IL1F10: variants seen among roughly 807,000 people sequenced by gnomAD.
IL1F10 encodes the protein interleukin 1 family member 10, also known as interleukin-1 family member 10.
In IL1F10, 13 loss-of-function variants were observed where a neutral mutation model predicts 13.1. The ratio of observed to expected loss-of-function variants is 0.99; its 90% CI spans 0.64 to 1.57. The LOEUF is 1.57. IL1F10 is among the 40% of genes most tolerant of loss of function. IL1F10 has a pLI of 0.00. For missense variants in IL1F10, 191 were observed against 184.1 expected, an observed-to-expected ratio of 1.04 and a Z score of -0.22; for synonymous variants, 78 against 68.2, an observed-to-expected ratio of 1.14 and a Z score of -0.71.
At chr2:113,075,074 G>A (rs1244980653) in intron 4 of IL1F10, 78 bp from the exon 5 acceptor site, 5 of 1,388,822 alleles carry the variant, frequency 3.6e-6, no homozygotes, top group Non-Finnish European at 3.9e-6. Flanking sequence ...GTCCTTTTTT[G>A]GCCAAGCCCC....
chr2:113,068,422 C>T (rs1412348469), intron 1 of IL1F10, among the ~76,000 whole-genome samples: 1 of 151,068 alleles, frequency 6.6e-6, no homozygotes, highest in Non-Finnish European at 1.5e-5. Context: ...GTTCCAAAGT[C>T]TCCATTGCTT....
At chr2:113,072,156 G>A (rs951993683) in intron 1 of IL1F10, among the ~76,000 whole-genome samples, 3 of 152,194 alleles carry the variant, frequency 2.0e-5, no homozygotes, top group Non-Finnish European at 4.4e-5. Flanking sequence ...AGCACTTCTA[G>A]TCACTAGGAA....
rs1380958671 is a variant in IL1F10, at chr2:113,074,391, C to T, written c.95C>T (p.Pro32Leu). ...TRDGQLLVGD[P>L]VADNCCAEKI... ...GATGGCCAGCTGCTGGTGGGAGATC[C>T]TGTTGCAGACAACTGCTGTGCAGGT... is the stretch of plus-strand genomic sequence containing the variant. The change falls in exon 3 of 5, where the codon CCT (proline) becomes CTT (leucine). Residue 32 changes from proline to leucine, a missense_variant. By Grantham distance (98) the Pro-to-Leu change is moderately conservative. Coordinates refer to ENST00000341010, the MANE Select transcript of IL1F10 (RefSeq NM_173161.3). 19 of 1,613,692 alleles carry T rather than the reference C, an allele frequency of 1.2e-5. No individual in the cohort carries two copies. The highest frequency in any genetic ancestry group is 2.2e-5 in the East Asian group (1 of 44,892).
At chr2:113,074,538 A>C in intron 3 of IL1F10, 124 bp downstream of exon 3, 1 of 1,054,324 alleles carries the variant, frequency 9.5e-7, no homozygotes, top group Non-Finnish European at 1.5e-6. Context: ...GCCAGAGAGC[A>C]GCTGTGGCCT....
In IL1F10 at chr2:113,072,702, C is replaced by T. The variant is rs1327912583; in HGVS notation, c.-28-9C>T. Reference sequence around the variant, plus strand: ...CCTTTTCTAACTGCCCTTCTCTCCTCCCCATCAGTGAGGACCAGACACCAC... The same window carrying T: ...CCTTTTCTAACTGCCCTTCTCTCCTTCCCATCAGTGAGGACCAGACACCAC... On this transcript the variant is annotated splice_polypyrimidine_tract_variant and intron_variant, in intron 1 of 4. Coordinates refer to ENST00000341010, the MANE Select transcript of IL1F10 (RefSeq NM_173161.3). The T allele has an allele frequency of 1.3e-6, 2 of 1,599,414 alleles. No homozygotes were observed. The highest frequency in any genetic ancestry group is 1.1e-5 in the South Asian group (1 of 89,828).
At chr2:113,074,136 G>C (rs983296691) in intron 2 of IL1F10, among the ~76,000 whole-genome samples, 193 bp from the exon 3 acceptor site, 1 of 152,158 alleles carries the variant, frequency 6.6e-6, no homozygotes, top group African/African-American at 2.4e-5. Flanking sequence ...AAGAACACAG[G>C]AGACCTTCCT....
rs1227690421 is a variant in IL1F10 at position 113,073,604 on chromosome 2, GATAA to G, written c.33-724_33-721del. 4.1e-3 allele frequency among the ~76,000 whole-genome samples: 623 copies of G among 152,326 alleles called. 1 individual carries two copies. The highest frequency in any genetic ancestry group is 0.014 in the African/African-American group (589 of 41,582). On this transcript the variant is annotated intron_variant, in intron 2 of 4. Coordinates refer to ENST00000341010, the MANE Select transcript of IL1F10 (RefSeq NM_173161.3). The stretch of plus-strand genomic sequence containing the variant: ...TGTCAAGGTGGCAAGGGGAATGCCA[GATAA>G]CACGCCCAGGATCTTTCCGGAAGTT...
At position 113,070,052 on chromosome 2, in the gene IL1F10, C is replaced by A. The variant is rs138327544; in HGVS notation, c.-29+2036C>A. ...AGTTTAGCTGATGGCAGTGTTTGAGCCAGGACAGGTGAATTGCGGAGGTCT... is the reference window on the plus strand; with the variant it reads ...AGTTTAGCTGATGGCAGTGTTTGAGACAGGACAGGTGAATTGCGGAGGTCT... On this transcript the variant is annotated intron_variant, in intron 1 of 4. Transcript: ENST00000341010. Among the ~76,000 whole-genome samples the A allele has an allele frequency of 4.6e-5, 7 of 152,212 alleles. No homozygotes were observed. In the East Asian group the frequency reaches 1.4e-3, roughly 29 times the overall value.
At chr2:113,069,652 C>T (rs996178030) in intron 1 of IL1F10, among the ~76,000 whole-genome samples, 1 of 152,158 alleles carries the variant, frequency 6.6e-6, no homozygotes, top group Non-Finnish European at 1.5e-5. Context: ...GTCCTGTAGG[C>T]TGCAGGAGGT....
intron 1 of IL1F10, 60 bp from the exon 2 acceptor site, chr2:113,072,651 C>A (rs891097424): frequency 1.5e-5 from 18 of 1,181,600 alleles, no homozygotes; most frequent in Non-Finnish European, 2.5e-6. Context: ...AGCCCCAGCA[C>A]GTCTGCCTCT....
In IL1F10 at chr2:113,075,215, A is replaced by G; in HGVS notation, c.310A>G (p.Ser104Gly). 6.2e-7 allele frequency: 1 copy of G among 1,614,000 alleles called. No homozygotes were observed. The highest frequency in any genetic ancestry group is 8.5e-7 in the Non-Finnish European group (1 of 1,179,960). The part of the protein sequence containing the change: ...EEATRFTFFQ[S>G]SSGSAFRLEA... Reference sequence around the variant, plus strand: ...GGCCACACGCTTCACCTTCTTCCAGAGCAGCTCAGGCTCCGCCTTCAGGCT... The same window carrying G: ...GGCCACACGCTTCACCTTCTTCCAGGGCAGCTCAGGCTCCGCCTTCAGGCT... Residue 104 changes from serine to glycine, a missense_variant, in exon 5 of 5, where the codon AGC (serine) becomes GGC (glycine). Transcript: ENST00000341010.
At position 113,075,354 on chromosome 2, in the gene IL1F10, A is replaced by G; in HGVS notation, c.449A>G (p.Gln150Arg). Residue 150 changes from glutamine to arginine, a missense_variant, in exon 5 of 5, where the codon CAG becomes CGG. Physicochemically the swap from Gln to Arg is conservative, Grantham distance 43 (BLOSUM62 1). Transcript: ENST00000341010. ...GCCCGTACCAAGTTTTACTTTGAACAGAGCTGGTAGGGAGACAGGAAACTG... is the reference window on the plus strand; with the variant it reads ...GCCCGTACCAAGTTTTACTTTGAACGGAGCTGGTAGGGAGACAGGAAACTG... ...PSARTKFYFE[Q>R]SW The G allele has an allele frequency of 6.4e-7, 1 of 1,569,354 alleles. No homozygotes were observed. The highest frequency in any genetic ancestry group is 1.2e-5 in the South Asian group (1 of 86,460).
chr2:113,075,147 C>T lies in IL1F10; in HGVS notation c.247-5C>T. 2 of 1,596,686 alleles carry T rather than the reference C, an allele frequency of 1.3e-6. No individual in the cohort carries two copies. The highest frequency in any genetic ancestry group is 2.2e-5 in the East Asian group (1 of 44,510). On this transcript the variant is annotated splice_region_variant and splice_polypyrimidine_tract_variant and intron_variant, in intron 4 of 4. Coordinates refer to ENST00000341010, the MANE Select transcript of IL1F10 (RefSeq NM_173161.3). ...ATTCTGCAGCCATCCACCTTGCCCC[C>T]ACAGGATGTGAACATTGAGGAACTG...
intron 1 of IL1F10, chr2:113,072,458 G>A (rs113442873): frequency 2.4e-5 from 10 of 419,080 alleles, no homozygotes; most frequent in East Asian, 2.2e-4. Flanking sequence ...CAGAACCAGC[G>A]CAAGCACACA....
chr2:113,072,776 T>A lies in IL1F10; in HGVS notation c.32+6T>A, dbSNP rs1326731485. 6.2e-7 allele frequency: 1 copy of A among 1,612,516 alleles called. No individual in the cohort carries two copies. Among genetic ancestry groups the A allele is most frequent in the Non-Finnish European group, 8.5e-7 (1 of 1,179,000 alleles). ...CCCATGGCAAGATACTACATGTAAG[T>A]TGTCCTGGCATGTCCCTGCTTTCCA... On this transcript the variant is annotated splice_donor_region_variant and intron_variant, in intron 2 of 4. Transcript: ENST00000341010.
At chr2:113,072,896 C>A in intron 2 of IL1F10, 126 bp downstream of exon 2, 1 of 759,946 alleles carries the variant, frequency 1.3e-6, no homozygotes, top group Non-Finnish European at 2.2e-6. Flanking sequence ...CATAATTAAG[C>A]TTCATCATCA....
intron 1 of IL1F10, among the ~76,000 whole-genome samples, chr2:113,070,990 T>C (rs1340839779): frequency 6.6e-6 from 1 of 152,320 alleles, no homozygotes; most frequent in South Asian, 2.1e-4. Flanking sequence ...TAGGAGCCAA[T>C]GACTTTAACT....
At chr2:113,072,677 C>T (rs1685859925) in intron 1 of IL1F10, 34 bp from the exon 2 acceptor site, 6 of 1,494,430 alleles carry the variant, frequency 4.0e-6, no homozygotes, top group Middle Eastern at 1.7e-4. Flanking sequence ...CACCCAGCCT[C>T]CTTTTCTAAC....
intron 1 of IL1F10, among the ~76,000 whole-genome samples, chr2:113,069,517 T>C (rs575350206): frequency 2.6e-5 from 4 of 152,128 alleles, no homozygotes; most frequent in Non-Finnish European, 5.9e-5. Flanking sequence ...ATATCACTGG[T>C]GAGAGGAATA....
Sources: allele counts gnomAD v4.1 joint callset (sites outside exome capture counted in the v4.1 genomes callset), GRCh38; gene constraint gnomAD v4.1.1; transcripts MANE v1.5; gene names NCBI Gene and HGNC (gene_info 2026-07-23, HGNC 2026-07-21).